KLF12: variants seen among roughly 807,000 people sequenced by gnomAD.
The protein encoded by KLF12 is Krueppel-like factor 12.
KLF12 carries 9 observed loss-of-function variants against 37.8 expected under a neutral mutation model. The ratio of observed to expected loss-of-function variants is 0.24; its 90% CI spans 0.14 to 0.42. The LOEUF (loss-of-function observed/expected upper bound fraction) is 0.42. Among genes scored for constraint, KLF12 ranks in the 10% least tolerant of loss-of-function variants. The pLI is 1.00. For synonymous variants in KLF12, 208 were observed against 202.1 expected (o/e 1.03, Z -0.25); for missense variants, 411 against 516.0 (o/e 0.80, Z 1.97).
rs1431846018 is a variant in KLF12, at chr13:74,133,767, T to C, written c.-60A>G. Among the ~76,000 whole-genome samples the C allele has an allele frequency of 6.7e-6, 1 of 149,374 alleles. No individual in the cohort carries two copies. The highest frequency in any genetic ancestry group is 2.1e-4 in the South Asian group (1 of 4,734). ...AACAGAAGCTGCAGAGCAGGAGAAA[T>C]TGTTTTCTTTCCCTCACACAGAGTC... On this transcript the variant is annotated 5_prime_UTR_variant, in exon 1 of 8. Coordinates refer to ENST00000377669, the MANE Select transcript of KLF12 (RefSeq NM_007249.5).
chr13:74,084,800 C>G (rs1425220557), intron 1 of KLF12, among the ~76,000 whole-genome samples: 2 of 148,862 alleles, frequency 1.3e-5, no homozygotes, highest in East Asian at 2.0e-4. Flanking sequence ...ATAAAACACT[C>G]TGAGCCAGCA....
chr13:74,091,282 C>T (rs1875641469), intron 1 of KLF12, among the ~76,000 whole-genome samples: 1 of 152,082 alleles, frequency 6.6e-6, no homozygotes, highest in Non-Finnish European at 1.5e-5. Context: ...GAAGAAAATA[C>T]AAGGGTAAAT....
Position 73,695,425 on chromosome 13 carries a change from G to C in KLF12, c.*65C>G. 1 of 1,501,054 alleles carries C rather than the reference G, an allele frequency of 6.7e-7. No homozygotes were observed. The highest frequency in any genetic ancestry group is 2.3e-5 in the East Asian group (1 of 44,056). 93.0% of individuals were successfully genotyped at this position (1,501,054 alleles called of 1,614,324 possible). Reference sequence around the variant, plus strand: ...GTGTTAACACTGTGAAGGGGATTCAGCCCTGCTGAATTGGGTGCCGCTAAG... The same window carrying C: ...GTGTTAACACTGTGAAGGGGATTCACCCCTGCTGAATTGGGTGCCGCTAAG... On this transcript the variant is annotated 3_prime_UTR_variant, in exon 8 of 8. Transcript: ENST00000377669.
intron 4 of KLF12, among the ~76,000 whole-genome samples, chr13:73,830,048 A>G (rs1216868943): frequency 6.6e-6 from 1 of 152,200 alleles, no homozygotes; most frequent in Non-Finnish European, 1.5e-5. Context: ...CAATTGGCCA[A>G]GACAGGCAAG....
intron 1 of KLF12, among the ~76,000 whole-genome samples, chr13:74,076,754 C>A (rs572007022): frequency 1.3e-5 from 2 of 152,166 alleles, no homozygotes; most frequent in East Asian, 3.9e-4. Flanking sequence ...GGTATTAAGC[C>A]CAGCACCCAA....
At chr13:74,267,629 T>C in the KLF12 span, among the ~76,000 whole-genome samples, 6 of 152,046 alleles carry the variant, frequency 3.9e-5, no homozygotes, top group Non-Finnish European at 8.8e-5. Context: ...GGGTACAAAA[T>C]TATGGTTATA....
chr13:74,107,537 C>T (rs1876721269), intron 1 of KLF12, among the ~76,000 whole-genome samples: 3 of 152,174 alleles, frequency 2.0e-5, no homozygotes, highest in East Asian at 1.9e-4. Context: ...TCTCTCTCAC[C>T]GTGTGTGTAT....
At chr13:74,246,490 A>AT in the KLF12 span, among the ~76,000 whole-genome samples, 6 of 152,310 alleles carry the variant, frequency 3.9e-5, no homozygotes, top group Non-Finnish European at 7.4e-5. Flanking sequence ...ATAAGGCAGC[A>AT]TTTGCCTTTT....
At chr13:73,965,014 G>A (rs1377862803) in intron 2 of KLF12, among the ~76,000 whole-genome samples, 1 of 152,102 alleles carries the variant, frequency 6.6e-6, no homozygotes, top group Non-Finnish European at 1.5e-5. Context: ...TGCATACCGG[G>A]GTAAGCAGTT....
intron 1 of KLF12, among the ~76,000 whole-genome samples, chr13:74,043,604 C>A (rs944841709): frequency 6.6e-6 from 1 of 152,172 alleles, no homozygotes; most frequent in Non-Finnish European, 1.5e-5. Context: ...TAAAAGCTAC[C>A]AAGCTCCCAT....
In KLF12 at chr13:73,904,091, TCAA is replaced by T. The variant is rs1169931464; in HGVS notation, c.123+39887_123+39889del. ...TTAAAGACAAATACAACATGGGCAATCAACAACCTTTGGGCAAACCTCTGGAAA... is the reference window on the plus strand; with the variant it reads ...TTAAAGACAAATACAACATGGGCAATCAACCTTTGGGCAAACCTCTGGAAA... On this transcript the variant is annotated intron_variant, in intron 3 of 7. Coordinates refer to ENST00000377669, the MANE Select transcript of KLF12 (RefSeq NM_007249.5). Among the ~76,000 whole-genome samples, 6 of 152,262 alleles carry T rather than the reference TCAA, an allele frequency of 3.9e-5. No homozygotes were observed. In the East Asian group the frequency reaches 1.2e-3, roughly 29 times the overall value.
chr13:73,727,282 C>G (rs1479944284), intron 6 of KLF12, among the ~76,000 whole-genome samples: 1 of 152,072 alleles, frequency 6.6e-6, no homozygotes, highest in Non-Finnish European at 1.5e-5. Context: ...AACATAAAGT[C>G]TCAAAGATTT....
rs757272022 is a variant in KLF12, at chr13:73,741,553, A to G, written c.869+23385T>C. ...CAATAACACATTCTCTCTGAATTCT[A>G]TAACAGTGTTTTTGAAACCACATAC... is the stretch of plus-strand genomic sequence containing the variant. On this transcript the variant is annotated intron_variant, in intron 6 of 7. Coordinates refer to ENST00000377669, the MANE Select transcript of KLF12 (RefSeq NM_007249.5). Among the ~76,000 whole-genome samples, 4 of 152,218 alleles carry G rather than the reference A, an allele frequency of 2.6e-5. No individual in the cohort carries two copies. The East Asian group carries it at 5.8e-4, about 22-fold the overall frequency.
At chr13:74,134,981 G>C (rs1878489107), upstream of KLF12, among the ~76,000 whole-genome samples, 1 of 151,550 alleles carries the variant, frequency 6.6e-6, no homozygotes, top group Admixed American at 6.6e-5. Context: ...ACCGCCCCTG[G>C]GCGCCGGGCA....
chr13:73,831,161 C>T (rs1033050537), intron 4 of KLF12, among the ~76,000 whole-genome samples: 2 of 152,114 alleles, frequency 1.3e-5, no homozygotes, highest in African/African-American at 4.8e-5. Context: ...CTGACACATT[C>T]TCTAGATAAT....
At chr13:74,280,655 G>T in the KLF12 span, among the ~76,000 whole-genome samples, 1 of 152,030 alleles carries the variant, frequency 6.6e-6, no homozygotes, top group Admixed American at 6.6e-5. Flanking sequence ...GTACCCTCGT[G>T]GTGTACCCTT....
chr13:74,003,969 C>A (rs1467574354), intron 1 of KLF12, among the ~76,000 whole-genome samples: 1 of 152,228 alleles, frequency 6.6e-6, no homozygotes, highest in South Asian at 2.1e-4. Context: ...AAAACTAATA[C>A]GTTCACAAGT....
At chr13:74,303,503 G>T in the KLF12 span, among the ~76,000 whole-genome samples, 2 of 152,208 alleles carry the variant, frequency 1.3e-5, no homozygotes. Flanking sequence ...TAAATGGGTA[G>T]GGTAAAGAAC....
At chr13:73,777,089 T>C (rs1204276226) in intron 5 of KLF12, among the ~76,000 whole-genome samples, 2 of 152,180 alleles carry the variant, frequency 1.3e-5, no homozygotes, top group African/African-American at 4.8e-5. Context: ...CATGGAAATA[T>C]GATTACTTCG....
Sources: gnomAD v4.1 joint callset for allele counts (sites outside exome capture counted in the v4.1 genomes callset) on GRCh38, gnomAD v4.1.1 for gene constraint, MANE v1.5 for transcripts, NCBI Gene and HGNC (gene_info 2026-07-23, HGNC 2026-07-21) for gene names.